The following ZFX variants were observed in gnomAD, a reference collection of about 807,000 sequenced individuals.
ZFX encodes the protein zinc finger protein X-linked, also known as zinc finger X-chromosomal protein.
For synonymous variants in ZFX, 196 were observed against 226.8 expected (o/e 0.86, Z 1.22); for missense variants, 362 against 628.3 (o/e 0.58, Z 4.53).
chrX:24,198,839 A>G (rs1177042499), intron 5 of ZFX, among the ~76,000 whole-genome samples: 1 of 111,631 alleles, frequency 9.0e-6, no homozygotes, highest in Admixed American at 9.6e-5. Context: ...GAGACATCTG[A>G]TAGACACCAA....
At chrX:24,180,725 C>T (rs1318049239) in intron 5 of ZFX, among the ~76,000 whole-genome samples, 2 of 111,674 alleles carry the variant, frequency 1.8e-5, no homozygotes, top group African/African-American at 6.5e-5. Context: ...TTATGTAATA[C>T]TTATGTACTT....
chrX:24,177,861 A>G (rs1935286261), intron 4 of ZFX: 1 of 749,365 alleles, frequency 1.3e-6, no homozygotes, highest in Admixed American at 8.8e-5. Context: ...GAGGTGGAGC[A>G]AAAAGGTAAA....
At chrX:24,192,465 C>T (rs751855133) in intron 5 of ZFX, among the ~76,000 whole-genome samples, 3 of 111,607 alleles carry the variant, frequency 2.7e-5, no homozygotes, top group Non-Finnish European at 5.6e-5. Flanking sequence ...TTATTGACTT[C>T]AAGTTTAATT....
chrX:24,209,178 T>G, intron 9 of ZFX, 138 bp downstream of exon 9: 2 of 925,586 alleles, frequency 2.2e-6, no homozygotes, highest in Non-Finnish European at 2.9e-6. Flanking sequence ...CTTGAAAATA[T>G]AATTTTCAGA....
Position 24,169,688 on chromosome X carries a change from A to G in ZFX, c.-28-3027A>G, listed in dbSNP as rs145375435. On this transcript the variant is annotated intron_variant, in intron 3 of 9. Transcript: ENST00000304543. ...GAAGAAGAAAAAGGCCATAGTGGTC[A>G]TATCAGGAGAAGGCTGGGTTTTATC... 5.1e-3 allele frequency among the ~76,000 whole-genome samples: 569 copies of G among 111,003 alleles called. 3 individuals carry two copies. The highest frequency in any genetic ancestry group is 0.017 in the African/African-American group (511 of 30,488).
In ZFX at chrX:24,210,504, A is replaced by G. The variant is rs1937999922; in HGVS notation, c.1546A>G (p.Asn516Asp). The G allele has an allele frequency of 9.9e-6, 12 of 1,210,320 alleles. No homozygotes were observed. The South Asian group carries it at 1.8e-4, about 18-fold the overall frequency. Residue 516 changes from asparagine (N) to aspartate (D), a missense_variant, in exon 10 of 10, where the codon AAC becomes GAC. Transcript: ENST00000304543. ...AATGGTGCATAAGGAAAAAGGAGCC[A>G]ACAAAATGCACAAGTGTAAATTCTG... ...HKMVHKEKGANKMHKCKFCEY... is the reference protein window; with the variant it reads ...HKMVHKEKGADKMHKCKFCEY...
intron 4 of ZFX, among the ~76,000 whole-genome samples, chrX:24,176,801 G>A (rs983232287): frequency 9.0e-6 from 1 of 111,622 alleles, no homozygotes; most frequent in Non-Finnish European, 1.9e-5. Context: ...CATAGTCATT[G>A]AGTTAGGCAC....
intron 5 of ZFX, among the ~76,000 whole-genome samples, chrX:24,196,621 A>T (rs1936941277): frequency 9.2e-6 from 1 of 109,112 alleles, no homozygotes; most frequent in African/African-American, 3.4e-5. Flanking sequence ...GGGAGACAGG[A>T]TCTTGCTCTG....
In ZFX at chrX:24,172,804, T is replaced by A; in HGVS notation, c.58+4T>A. ...AACTCATTTTTTGATGCAACAGGTA[T>A]AACTACTTGAATTGTTCCACTTCCC... On this transcript the variant is annotated splice_donor_region_variant and intron_variant, in intron 4 of 9. Transcript: ENST00000304543. 1 of 1,196,070 alleles carries A rather than the reference T, an allele frequency of 8.4e-7. No individual in the cohort carries two copies. The highest frequency in any genetic ancestry group is 1.9e-5 in the South Asian group (1 of 53,364).
At position 24,211,373 on chromosome X, in the gene ZFX, C is replaced by G. The variant is rs138803126; in HGVS notation, c.2415C>G (p.Pro805=). ...IMRHHKEVGL[P] ...GACATCATAAAGAAGTTGGCCTGCC[C>G]TAACAATACTTCTACAGAACGTTTG... Residue 805 remains proline (P), a synonymous_variant, in exon 10 of 10, where the codon CCC becomes CCG. Transcript: ENST00000304543. The G allele has an allele frequency of 4.5e-5, 55 of 1,210,242 alleles. No individual in the cohort carries two copies. In the African/African-American group the frequency reaches 8.9e-4, roughly 20 times the overall value.
At chrX:24,203,708 A>C (rs913726338) in intron 5 of ZFX, among the ~76,000 whole-genome samples, 3 of 111,572 alleles carry the variant, frequency 2.7e-5, no homozygotes, top group African/African-American at 9.8e-5. Flanking sequence ...CTCACATTCC[A>C]GCAATATTGA....
At chrX:24,206,610 CTCCTGGTCTCAAGT>C (rs1353847954) in intron 5 of ZFX, among the ~76,000 whole-genome samples, 1 of 103,837 alleles carries the variant, frequency 9.6e-6, no homozygotes, top group East Asian at 3.0e-4. Flanking sequence ...TGGTCTCAAA[CTCCTGGTCTCAAGT>C]GATCCACCCA....
chrX:24,199,276 A>G lies in ZFX; in HGVS notation c.647-8050A>G, dbSNP rs1339112440. 4.8e-5 allele frequency among the ~76,000 whole-genome samples: 5 copies of G among 103,239 alleles called. No homozygotes were observed. The East Asian group carries it at 1.5e-3, about 32-fold the overall frequency. 89.7% of individuals were successfully genotyped at this position (103,239 alleles called of 115,157 possible). On this transcript the variant is annotated intron_variant, in intron 5 of 9. Coordinates refer to ENST00000304543, the MANE Select transcript of ZFX (RefSeq NM_003410.4). The stretch of plus-strand genomic sequence containing the variant: ...GAAGTGAATCTTTTTTTTTTTTTGG[A>G]GGCAGGGTCTCACTGTCACCCAGGC...
intron 5 of ZFX, among the ~76,000 whole-genome samples, chrX:24,206,585 C>G (rs1601972476): frequency 1.0e-5 from 1 of 98,384 alleles, no homozygotes; most frequent in South Asian, 4.8e-4. Context: ...GGGGGTCTTG[C>G]CATGGTGCCC....
chrX:24,154,954 G>A (rs1372943784), intron 3 of ZFX, among the ~76,000 whole-genome samples: 1 of 110,472 alleles, frequency 9.1e-6, no homozygotes, highest in Non-Finnish European at 1.9e-5. Context: ...AGAAGGAAAC[G>A]AGACACTGGG....
Position 24,207,495 on chromosome X carries a change from CATT to C in ZFX, c.796+23_796+25del. The C allele has an allele frequency of 1.7e-6, 2 of 1,196,775 alleles. No homozygotes were observed. Among genetic ancestry groups the C allele is most frequent in the Non-Finnish European group, 2.2e-6 (2 of 889,233 alleles). On this transcript the variant is annotated intron_variant, in intron 6 of 9. Coordinates refer to ENST00000304543, the MANE Select transcript of ZFX (RefSeq NM_003410.4). ...ACTTAGGTAAGAAGAAGTGTTTAGA[CATT>C]ATACATCCTCATCCAAATGTTTCAG...
chrX:24,186,947 T>C (rs1285199686), intron 5 of ZFX, among the ~76,000 whole-genome samples: 4 of 112,319 alleles, frequency 3.6e-5, no homozygotes, highest in Non-Finnish European at 7.5e-5. Flanking sequence ...ATGAATGTTA[T>C]AGCTGAAAGT....
At chrX:24,152,082 C>T (rs762005486) in intron 2 of ZFX, among the ~76,000 whole-genome samples, 2 of 110,478 alleles carry the variant, frequency 1.8e-5, no homozygotes, top group South Asian at 7.7e-4. Context: ...TTGAAAAGTA[C>T]AGGACTAGTG....
chrX:24,211,192 A>T lies in ZFX; in HGVS notation c.2234A>T (p.Lys745Ile). The T allele has an allele frequency of 8.3e-7, 1 of 1,210,967 alleles. No homozygotes were observed. Among genetic ancestry groups the T allele is most frequent in the African/African-American group, 1.7e-5 (1 of 57,414 alleles). The change falls in exon 10 of 10, where the codon AAA becomes ATA. Residue 745 changes from lysine to isoleucine, a missense_variant. By Grantham distance (102) the Lys-to-Ile change is moderately radical. Transcript: ENST00000304543. ...KKHMKTHSGR[K>I]VYQCEYCEYS... ...CATATGAAGACACACAGTGGCAGGA[A>T]AGTGTATCAGTGTGAGTACTGTGAG...
Sources: gnomAD v4.1 joint callset for allele counts (sites outside exome capture counted in the v4.1 genomes callset) on GRCh38, gnomAD v4.1.1 for gene constraint, MANE v1.5 for transcripts, NCBI Gene and HGNC (gene_info 2026-07-23, HGNC 2026-07-21) for gene names.